The following ENO4 variants were observed in gnomAD, a reference collection of about 807,000 sequenced individuals.
The protein encoded by ENO4 is enolase 4.
A neutral mutation model predicts 63.2 loss-of-function variants in ENO4; 53 were observed. The ratio of observed to expected loss-of-function variants is 0.84; its 90% CI spans 0.67 to 1.05. The LOEUF is 1.05. Ranked by LOEUF, ENO4 falls within the 50% of genes least tolerant of loss-of-function variation. The pLI, the probability that ENO4 is intolerant of heterozygous loss-of-function variation, is 0.00. For missense variants in ENO4, 719 were observed against 772.0 expected, an observed-to-expected ratio of 0.93 and a Z score of 0.81; for synonymous variants, 266 against 283.8, an observed-to-expected ratio of 0.94 and a Z score of 0.63.
At chr10:116,856,740 G>A (rs1434357907) in intron 3 of ENO4, 58 bp downstream of exon 3, 6 of 1,385,048 alleles carry the variant, frequency 4.3e-6, no homozygotes, top group Admixed American at 2.7e-5. Flanking sequence ...AGTGGCTCAC[G>A]CCTGTAATCC....
intron 6 of ENO4, among the ~76,000 whole-genome samples, 193 bp downstream of exon 6, chr10:116,861,383 G>A (rs980623588): frequency 6.6e-6 from 1 of 152,148 alleles, no homozygotes; most frequent in Non-Finnish European, 1.5e-5. Flanking sequence ...CAACTTAGAT[G>A]TCTGGTTTCA....
chr10:116,852,307 A>T, intron 1 of ENO4, among the ~76,000 whole-genome samples: 1 of 152,236 alleles, frequency 6.6e-6, no homozygotes, highest in East Asian at 1.9e-4. Flanking sequence ...TAGCAGTGTG[A>T]GAACAAACTA....
chr10:116,899,585 CTG>C (rs1312270391), intron 10 of ENO4, among the ~76,000 whole-genome samples: 22 of 148,432 alleles, frequency 1.5e-4, no homozygotes, highest in African/African-American at 4.5e-4. Context: ...ACAGTAATGT[CTG>C]TATTTAGAGC....
At position 116,862,781 on chromosome 10, in the gene ENO4, T is replaced by C. The variant is rs750427884; in HGVS notation, c.937-18T>C. Reference sequence around the variant, plus strand: ...TCTAGTCTGCAACTGTGGAAGATCATGGTTGTTCTACTTACAGGGTGTCGA... The same window carrying C: ...TCTAGTCTGCAACTGTGGAAGATCACGGTTGTTCTACTTACAGGGTGTCGA... On this transcript the variant is annotated intron_variant, in intron 6 of 13. Coordinates refer to ENST00000341276, the MANE Select transcript of ENO4 (RefSeq NM_001242699.2). 3.0e-4 allele frequency: 456 copies of C among 1,545,698 alleles called. No homozygotes were observed. The highest frequency in any genetic ancestry group is 3.9e-4 in the Non-Finnish European group (448 of 1,142,978).
intron 11 of ENO4, 118 bp from the exon 12 acceptor site, chr10:116,879,173 A>C (rs1846925962): frequency 3.0e-6 from 2 of 665,596 alleles, no homozygotes; most frequent in Non-Finnish European, 5.0e-6. Context: ...AGGTAGGCAA[A>C]TAATTGACTC....
Position 116,882,452 on chromosome 10 carries a change from G to T in ENO4, c.*783G>T, listed in dbSNP as rs1237748061. 2 of 148,382 alleles carry T rather than the reference G, an allele frequency of 1.3e-5. No homozygotes were observed. Among genetic ancestry groups the T allele is most frequent in the African/African-American group, 5.0e-5 (2 of 40,290 alleles). 9.2% of individuals were successfully genotyped at this position (148,382 alleles called of 1,614,324 possible). The stretch of plus-strand genomic sequence containing the variant: ...TATCCATTGCCTGAATTGCTCTTTT[G>T]TAAGCCAGTGTTGGGATTATAGCAG... On this transcript the variant is annotated 3_prime_UTR_variant, in exon 14 of 14. Coordinates refer to ENST00000341276, the MANE Select transcript of ENO4 (RefSeq NM_001242699.2).
At chr10:116,862,151 T>C (rs1846432158) in intron 6 of ENO4, among the ~76,000 whole-genome samples, 1 of 152,134 alleles carries the variant, frequency 6.6e-6, no homozygotes, top group Non-Finnish European at 1.5e-5. Context: ...TGGTGATCTG[T>C]GACATGTATT....
intron 11 of ENO4, among the ~76,000 whole-genome samples, chr10:116,876,956 A>T (rs950620470): frequency 1.3e-5 from 2 of 151,940 alleles, no homozygotes; most frequent in Non-Finnish European, 2.9e-5. Flanking sequence ...CTCAAAATTA[A>T]TTAATTAATT....
At chr10:116,896,035 A>C (rs950149083) in intron 10 of ENO4, among the ~76,000 whole-genome samples, 11 of 152,298 alleles carry the variant, frequency 7.2e-5, no homozygotes, top group Middle Eastern at 3.4e-3. Context: ...TAACATATAC[A>C]TCCTGCCTAC....
downstream of ENO4, among the ~76,000 whole-genome samples, chr10:116,887,420 T>A (rs1428637619): frequency 1.3e-5 from 2 of 152,074 alleles, no homozygotes; most frequent in African/African-American, 4.8e-5. Flanking sequence ...TTTCGGACTT[T>A]TCTGGTCTTT....
At chr10:116,902,105 G>A (rs1448544399) in intron 10 of ENO4, 1 of 691,440 alleles carries the variant, frequency 1.4e-6, no homozygotes, top group Non-Finnish European at 2.3e-6. Flanking sequence ...AATGTTGTTG[G>A]AAATCTGCTC....
rs1417766234 is a variant in ENO4, at chr10:116,859,084, G to C, written c.580G>C (p.Val194Leu). 1.3e-6 allele frequency: 2 copies of C among 1,534,686 alleles called. No individual in the cohort carries two copies. The highest frequency in any genetic ancestry group is 2.7e-5 in the African/African-American group (2 of 73,008). Residue 194 changes from valine (V) to leucine (L), a missense_variant, in exon 4 of 14, where the codon GTA becomes CTA. Physicochemically the swap from Val to Leu is conservative, Grantham distance 32 (BLOSUM62 1). Coordinates refer to ENST00000341276, the MANE Select transcript of ENO4 (RefSeq NM_001242699.2). ...YSTVPTPLPP[V>L]PPPPPPPPPT... ...AACAGTGCCTACACCTCTACCTCCA[G>C]TACCACCACCACCACCCCCTCCACC...
chr10:116,886,501 A>G (rs755510375), downstream of ENO4: 3 of 1,614,166 alleles, frequency 1.9e-6, no homozygotes, highest in South Asian at 3.3e-5. Context: ...ATCTAAAACT[A>G]CAACTGGTTC....
At chr10:116,907,940 T>C in intron 10 of ENO4, 1 of 516,504 alleles carries the variant, frequency 1.9e-6, no homozygotes, top group South Asian at 1.4e-5. Flanking sequence ...CTAATAATTC[T>C]ACTGGCTAAA....
At chr10:116,882,971 C>A (rs1177537419), downstream of ENO4, 1 of 134,702 alleles carries the variant, frequency 7.4e-6, no homozygotes, top group East Asian at 2.0e-4. Flanking sequence ...TTGAAAAATA[C>A]ACACACACAC....
In ENO4 at chr10:116,881,526, G is replaced by A. The variant is rs754935679; in HGVS notation, c.1735G>A (p.Glu579Lys). 1.3e-6 allele frequency: 2 copies of A among 1,542,594 alleles called. No individual in the cohort carries two copies. Among genetic ancestry groups the A allele is most frequent in the Non-Finnish European group, 1.7e-6 (2 of 1,144,262 alleles). Residue 579 changes from glutamate to lysine, a missense_variant, in exon 14 of 14, where the codon GAA becomes AAA. Glu to Lys is a moderately conservative substitution (Grantham distance 56, BLOSUM62 1). Around this residue, in one of 3 missense-constraint regions of ENO4, gnomAD observed 168 missense variants for 163.3 expected, o/e 1.03. Coordinates refer to ENST00000341276, the MANE Select transcript of ENO4 (RefSeq NM_001242699.2). ...GTTACTTTAAATAGGTTTCAAAGAA[G>A]AACACACTTTTTTTTACTTTAATGA... ...VQNGTLGFKE[E>K]HTFFYFNEEA...
chr10:116,856,588 G>C lies in ENO4; in HGVS notation c.391G>C (p.Val131Leu). 6.5e-7 allele frequency: 1 copy of C among 1,536,184 alleles called. No homozygotes were observed. The highest frequency in any genetic ancestry group is 1.2e-5 in the South Asian group (1 of 84,062). The change falls in exon 3 of 14, where the codon GTG becomes CTG. Residue 131 changes from valine to leucine, a missense_variant. Physicochemically the swap from Val to Leu is conservative, Grantham distance 32 (BLOSUM62 1). Transcript: ENST00000341276. Reference protein sequence around the residue: ...KAEEAERASAVSTAVQWVNST... With the variant: ...KAEEAERASALSTAVQWVNST... ...GGAGGAGGCAGAGAGGGCCAGCGCG[G>C]TGAGCACCGCCGTGCAGTGGGTCAA...
intron 1 of ENO4, 98 bp downstream of exon 1, chr10:116,849,829 C>G: frequency 1.5e-6 from 2 of 1,343,772 alleles, no homozygotes; most frequent in South Asian, 1.4e-5. Flanking sequence ...CTCAGAATCT[C>G]GCATGCCAGC....
chr10:116,864,840 C>T (rs1190116897), intron 7 of ENO4, among the ~76,000 whole-genome samples: 1 of 152,076 alleles, frequency 6.6e-6, no homozygotes, highest in Non-Finnish European at 1.5e-5. Flanking sequence ...GCCAACATGT[C>T]AAAACCCCGT....
Sources: allele counts gnomAD v4.1 joint callset (sites outside exome capture counted in the v4.1 genomes callset), GRCh38; gene constraint gnomAD v4.1.1; regional missense constraint gnomAD v4.1.1; transcripts MANE v1.5; gene names NCBI Gene and HGNC (gene_info 2026-07-23, HGNC 2026-07-21).